The following PXDNL variants were observed in gnomAD, a reference collection of about 807,000 sequenced individuals.
The protein encoded by PXDNL is peroxidasin like.
A neutral mutation model predicts 150.8 loss-of-function variants in PXDNL; 145 were observed. That is an observed-to-expected ratio of 0.96 (90% CI 0.84 to 1.10). PXDNL has a LOEUF of 1.10. PXDNL is among the 50% of genes least tolerant of loss of function. The pLI is 0.00. For synonymous variants in PXDNL, 757 were observed against 725.7 expected, an observed-to-expected ratio of 1.04 and a Z score of -0.69; for missense variants, 2,087 against 1,873.9, an observed-to-expected ratio of 1.11 and a Z score of -2.10.
intron 1 of PXDNL, among the ~76,000 whole-genome samples, chr8:51,781,278 C>T (rs1397117004): frequency 6.6e-6 from 1 of 152,146 alleles, no homozygotes; most frequent in Non-Finnish European, 1.5e-5. Context: ...TCTTATTTCT[C>T]TGACTTTGTG....
chr8:51,631,198 C>T (rs1471795345), intron 2 of PXDNL, among the ~76,000 whole-genome samples: 1 of 152,090 alleles, frequency 6.6e-6, no homozygotes, highest in Admixed American at 6.6e-5. Context: ...CCAAATACCA[C>T]ATGTTCTTAC....
chr8:51,520,811 A>AT (rs1811647018), intron 4 of PXDNL, among the ~76,000 whole-genome samples: 1 of 151,044 alleles, frequency 6.6e-6, no homozygotes. Flanking sequence ...CAAAAAAAAA[A>AT]CTTAGAGGCA....
chr8:51,643,097 T>G (rs1161697251), intron 2 of PXDNL, among the ~76,000 whole-genome samples: 1 of 152,052 alleles, frequency 6.6e-6, no homozygotes, highest in East Asian at 1.9e-4. Context: ...GAATCAATAT[T>G]GTGAAAATGG....
At chr8:51,457,937 A>G (rs1319324700) in intron 8 of PXDNL, among the ~76,000 whole-genome samples, 1 of 152,194 alleles carries the variant, frequency 6.6e-6, no homozygotes, top group Non-Finnish European at 1.5e-5. Context: ...GCATGAATTT[A>G]GACACTGAAG....
At chr8:51,736,976 C>A (rs1401541267) in intron 1 of PXDNL, among the ~76,000 whole-genome samples, 2 of 151,840 alleles carry the variant, frequency 1.3e-5, no homozygotes, top group South Asian at 2.1e-4. Context: ...CTTTAGATAC[C>A]AAAACAACTC....
intron 17 of PXDNL, among the ~76,000 whole-genome samples, chr8:51,377,585 G>A (rs928105408): frequency 4.6e-5 from 7 of 152,202 alleles, no homozygotes; most frequent in African/African-American, 7.2e-5. Context: ...CCGGGTGGGC[G>A]TGGGCTCAGC....
At chr8:51,379,875 G>A (rs949341983) in intron 17 of PXDNL, among the ~76,000 whole-genome samples, 10 of 152,044 alleles carry the variant, frequency 6.6e-5, no homozygotes, top group African/African-American at 2.4e-4. Context: ...TCCAAGGGTA[G>A]CCACTTGGTA....
At chr8:51,429,773 T>C (rs1273026597) in intron 12 of PXDNL, among the ~76,000 whole-genome samples, 3 of 151,010 alleles carry the variant, frequency 2.0e-5, no homozygotes, top group African/African-American at 4.9e-5. Context: ...GCTTTCATCA[T>C]ATCTTTCTTG....
chr8:51,747,145 G>C (rs147172263), intron 1 of PXDNL, among the ~76,000 whole-genome samples: 2 of 152,140 alleles, frequency 1.3e-5, no homozygotes, highest in African/African-American at 2.4e-5. Context: ...TTTGTTTGTC[G>C]ATAGCATGAA....
chr8:51,598,927 C>A (rs1345147361), intron 2 of PXDNL, among the ~76,000 whole-genome samples: 1 of 151,990 alleles, frequency 6.6e-6, no homozygotes, highest in Non-Finnish European at 1.5e-5. Context: ...TGATATTGGC[C>A]CATCCAGTAT....
chr8:51,429,312 G>C (rs1241930346), intron 12 of PXDNL, among the ~76,000 whole-genome samples: 1 of 152,210 alleles, frequency 6.6e-6, no homozygotes, highest in African/African-American at 2.4e-5. Flanking sequence ...GGGTGCAGTG[G>C]CTCATGCCTA....
chr8:51,748,375 TC>T (rs1422992051), intron 1 of PXDNL, among the ~76,000 whole-genome samples: 3 of 152,224 alleles, frequency 2.0e-5, no homozygotes, highest in African/African-American at 7.2e-5. Flanking sequence ...TCAGTTATCA[TC>T]TTTCTGTTCA....
intron 2 of PXDNL, among the ~76,000 whole-genome samples, chr8:51,639,115 G>A (rs374347250): frequency 0.01 from 1,572 of 152,204 alleles, 18 homozygotes; most frequent in Middle Eastern, 0.02. Context: ...GGTACATAAC[G>A]AAATGAAGGC....
At chr8:51,734,761 C>T (rs1474638505) in intron 1 of PXDNL, among the ~76,000 whole-genome samples, 4 of 152,172 alleles carry the variant, frequency 2.6e-5, no homozygotes, top group Non-Finnish European at 5.9e-5. Flanking sequence ...AGTGTTAAGT[C>T]AAGCATGCAG....
At chr8:51,675,832 T>C (rs1018081448) in intron 1 of PXDNL, among the ~76,000 whole-genome samples, 1 of 147,774 alleles carries the variant, frequency 6.8e-6, no homozygotes, top group East Asian at 2.0e-4. Context: ...TCATAATCTG[T>C]TATAGCAGCA....
intron 8 of PXDNL, among the ~76,000 whole-genome samples, chr8:51,460,790 T>C (rs374091413): frequency 1.3e-5 from 2 of 152,160 alleles, no homozygotes; most frequent in South Asian, 4.1e-4. Context: ...AGGCAGAGCA[T>C]GAGCCTGCAT....
chr8:51,643,179 T>C (rs1165328010), intron 2 of PXDNL, among the ~76,000 whole-genome samples: 1 of 152,114 alleles, frequency 6.6e-6, no homozygotes, highest in Non-Finnish European at 1.5e-5. Flanking sequence ...CTTCATAGAA[T>C]TGGAAAAAAC....
chr8:51,631,632 AG>A (rs1242014793), intron 2 of PXDNL, among the ~76,000 whole-genome samples: 1 of 152,152 alleles, frequency 6.6e-6, no homozygotes, highest in African/African-American at 2.4e-5. Context: ...GTAATTATAA[AG>A]GACACAATTA....
At chr8:51,320,972 G>C in intron 21 of PXDNL, 75 bp from the exon 22 acceptor site, 1 of 1,060,304 alleles carries the variant, frequency 9.4e-7, no homozygotes, top group Non-Finnish European at 1.5e-6. Context: ...AACATGGTTT[G>C]ATGAAATGCT....
Sources: allele counts gnomAD v4.1 joint callset (sites outside exome capture counted in the v4.1 genomes callset), GRCh38; gene constraint gnomAD v4.1.1; transcripts MANE v1.5; gene names NCBI Gene and HGNC (gene_info 2026-07-23, HGNC 2026-07-21).